Variants in LGR5 observed in about 807,000 individuals in gnomAD.
LGR5 encodes the protein leucine rich repeat containing G protein-coupled receptor 5.
In LGR5, 54 loss-of-function variants were observed where a neutral mutation model predicts 76.7. The ratio of observed to expected loss-of-function variants is 0.70; its 90% confidence interval spans 0.57 to 0.88. The LOEUF (loss-of-function observed/expected upper bound fraction) is 0.88, where lower values mean the gene tolerates loss of function less well. Ranked by LOEUF, LGR5 falls within the 40% of genes least tolerant of loss-of-function variation. The pLI, the probability that LGR5 is intolerant of heterozygous loss-of-function variation, is 0.00. For missense variants in LGR5, 1,078 were observed against 1,073.3 expected (o/e 1.00, Z -0.06); for synonymous variants, 406 against 421.9 (o/e 0.96, Z 0.46).
At chr12:71,525,134 T>A (rs1263560978) in intron 3 of LGR5, among the ~76,000 whole-genome samples, 1 of 152,122 alleles carries the variant, frequency 6.6e-6, no homozygotes, top group Non-Finnish European at 1.5e-5. Context: ...AAAGAGGCAC[T>A]TACGTAGATA....
intron 1 of LGR5, among the ~76,000 whole-genome samples, chr12:71,452,055 T>C (rs1178417262): frequency 7.9e-5 from 12 of 152,186 alleles, no homozygotes; most frequent in African/African-American, 2.7e-4. Context: ...TAGCCAATCC[T>C]AAACCTGCTT....
rs114917480 is a variant in LGR5, at chr12:71,581,899, A to G, written c.1553-557A>G. On this transcript the variant is annotated intron_variant, in intron 16 of 17. Transcript: ENST00000266674. ...GGTCCCCAATTCCCACATGAGACCA[A>G]TTAAATCTGTATCTTTGGGGAAATA... 9.0e-3 allele frequency among the ~76,000 whole-genome samples: 1,377 copies of G among 152,320 alleles called. 10 individuals carry two copies. The highest frequency in any genetic ancestry group is 0.031 in the African/African-American group (1,292 of 41,582).
chr12:71,456,792 A>G (rs1182421434), intron 1 of LGR5, among the ~76,000 whole-genome samples: 2 of 152,216 alleles, frequency 1.3e-5, no homozygotes, highest in Non-Finnish European at 2.9e-5. Context: ...GAATTCGGCA[A>G]CAAGGAATAG....
intron 13 of LGR5, among the ~76,000 whole-genome samples, chr12:71,575,715 AAT>A (rs200654463): frequency 0.03 from 3,765 of 127,240 alleles, 100 homozygotes; most frequent in African/African-American, 0.11. Flanking sequence ...CATCTCAAAA[AAT>A]ATATATGTGT....
intron 1 of LGR5, among the ~76,000 whole-genome samples, chr12:71,464,283 A>C (rs934956921): frequency 5.3e-5 from 8 of 152,196 alleles, no homozygotes; most frequent in Non-Finnish European, 8.8e-5. Flanking sequence ...ATAAGTGCCA[A>C]GTAATATTTG....
In LGR5 at chr12:71,507,844, A is replaced by C. The variant is rs552947390; in HGVS notation, c.284+3159A>C. The stretch of plus-strand genomic sequence containing the variant: ...CTTATTCAGCTCATTTTTGTGCTTT[A>C]TCTCTTTATACGTTAAATAGGAAAC... On this transcript the variant is annotated intron_variant, in intron 2 of 17. Transcript: ENST00000266674. 8.7e-4 allele frequency among the ~76,000 whole-genome samples: 132 copies of C among 152,068 alleles called. 1 individual carries two copies. The highest frequency in any genetic ancestry group is 6.8e-3 in the Middle Eastern group (2 of 294).
intron 3 of LGR5, among the ~76,000 whole-genome samples, chr12:71,528,054 A>G (rs1007879514): frequency 1.3e-5 from 2 of 151,916 alleles, no homozygotes; most frequent in Non-Finnish European, 2.9e-5. Flanking sequence ...CACAGGAAAA[A>G]TTAAATGGAA....
At chr12:71,457,632 T>A (rs1379146708) in intron 1 of LGR5, among the ~76,000 whole-genome samples, 2 of 152,214 alleles carry the variant, frequency 1.3e-5, no homozygotes, top group Non-Finnish European at 2.9e-5. Flanking sequence ...TAGTGCTATG[T>A]AACTAAACAA....
At chr12:71,506,169 A>G (rs904939999) in intron 2 of LGR5, among the ~76,000 whole-genome samples, 3 of 152,160 alleles carry the variant, frequency 2.0e-5, no homozygotes, top group Non-Finnish European at 4.4e-5. Flanking sequence ...AATTACATCC[A>G]TCTTGTTCTC....
intron 1 of LGR5, among the ~76,000 whole-genome samples, chr12:71,444,864 A>G (rs995530541): frequency 2.6e-5 from 4 of 152,208 alleles, no homozygotes; most frequent in African/African-American, 9.6e-5. Flanking sequence ...TTAACCCAAT[A>G]AAGCTATCAA....
intron 1 of LGR5, among the ~76,000 whole-genome samples, chr12:71,490,512 G>T (rs1874019912): frequency 6.6e-6 from 1 of 152,174 alleles, no homozygotes; most frequent in Admixed American, 6.5e-5. Flanking sequence ...GGAGAAAGAT[G>T]TCATAAGATG....
intron 1 of LGR5, among the ~76,000 whole-genome samples, chr12:71,451,345 C>A (rs567799738): frequency 4.1e-4 from 62 of 152,294 alleles, no homozygotes; most frequent in African/African-American, 1.5e-3. Context: ...TATGGAGGAA[C>A]TTTTAGGCCA....
intron 1 of LGR5, among the ~76,000 whole-genome samples, chr12:71,447,003 T>C (rs538100121): frequency 6.6e-6 from 1 of 152,352 alleles, no homozygotes; most frequent in Admixed American, 6.5e-5. Context: ...TATAACCAGA[T>C]CTATGTGTCA....
chr12:71,507,678 T>C (rs946023828), intron 2 of LGR5, among the ~76,000 whole-genome samples: 1 of 152,212 alleles, frequency 6.6e-6, no homozygotes, highest in Non-Finnish European at 1.5e-5. Context: ...GCAGTATATA[T>C]TTTACTTGAA....
intron 3 of LGR5, among the ~76,000 whole-genome samples, chr12:71,529,795 A>C (rs1288377518): frequency 6.6e-6 from 1 of 152,062 alleles, no homozygotes; most frequent in Admixed American, 6.6e-5. Context: ...ATCTCTACTA[A>C]AAATACAAAA....
intron 16 of LGR5, among the ~76,000 whole-genome samples, chr12:71,581,210 CT>C (rs1879077670): frequency 6.6e-6 from 1 of 152,208 alleles, no homozygotes; most frequent in Non-Finnish European, 1.5e-5. Flanking sequence ...AAGAATCCTG[CT>C]TTTTGTCCAA....
At chr12:71,496,971 A>G (rs577447659) in intron 1 of LGR5, among the ~76,000 whole-genome samples, 1 of 152,232 alleles carries the variant, frequency 6.6e-6, no homozygotes, top group African/African-American at 2.4e-5. Context: ...GGTGATGTCA[A>G]TATTCTATTT....
At chr12:71,475,366 A>G (rs2137250106) in intron 1 of LGR5, among the ~76,000 whole-genome samples, 1 of 152,322 alleles carries the variant, frequency 6.6e-6, no homozygotes, top group Non-Finnish European at 1.5e-5. Context: ...GAGATTTACT[A>G]AATCCAAAGA....
Position 71,504,686 on chromosome 12 carries a change from G to T in LGR5, c.284+1G>T, listed in dbSNP as rs776906035. ...CCAGTCTCCGCTTCCTGGAGGAGTT[G>T]TAAGTATCACTGTAGTCTTGATGCA... On this transcript the variant is annotated splice_donor_variant, in intron 2 of 17. Transcript: ENST00000266674. LOFTEE classifies it high-confidence loss of function. 8 of 1,609,878 alleles carry T rather than the reference G, an allele frequency of 5.0e-6. No individual in the cohort carries two copies. The East Asian group carries it at 1.8e-4, about 36-fold the overall frequency.
Sources: gnomAD v4.1 joint callset for allele counts (sites outside exome capture counted in the v4.1 genomes callset) on GRCh38, gnomAD v4.1.1 for gene constraint, MANE v1.5 for transcripts, NCBI Gene and HGNC (gene_info 2026-07-23, HGNC 2026-07-21) for gene names.